GPHN: variants seen among roughly 807,000 people sequenced by gnomAD.
GPHN encodes gephyrin.
GPHN carries 17 observed loss-of-function variants against 95.5 expected under a neutral mutation model. That is an observed-to-expected ratio of 0.18 (90% CI 0.12 to 0.27). The LOEUF is 0.27. Among genes scored for constraint, GPHN ranks in the 10% least tolerant of loss-of-function variants. The probability of loss-of-function intolerance (pLI) is 1.00; values close to 1 mark genes in which losing one functional copy is unlikely to be tolerated. For synonymous variants in GPHN, 320 were observed against 322.5 expected, an observed-to-expected ratio of 0.99 and a Z score of 0.08; for missense variants, 660 against 978.1, an observed-to-expected ratio of 0.67 and a Z score of 4.34.
At chr14:67,693,877 C>T in the GPHN span, among the ~76,000 whole-genome samples, 1 of 152,124 alleles carries the variant, frequency 6.6e-6, no homozygotes, top group Non-Finnish European at 1.5e-5. Flanking sequence ...TCTCGAACTC[C>T]TGACCTCAGG....
At chr14:66,998,877 T>TAA (rs55936517) in intron 9 of GPHN, among the ~76,000 whole-genome samples, 81 of 143,638 alleles carry the variant, frequency 5.6e-4, no homozygotes, top group African/African-American at 2.0e-3. Context: ...GGTCCCTTTG[T>TAA]AAAAAAAAAA....
chr14:67,735,076 A>C, the GPHN span: 1 of 712,720 alleles, frequency 1.4e-6, no homozygotes. Context: ...AAATGACACC[A>C]AATATCGGGA....
At chr14:66,720,631 A>C (rs1242720843) in intron 2 of GPHN, among the ~76,000 whole-genome samples, 1 of 152,240 alleles carries the variant, frequency 6.6e-6, no homozygotes, top group Non-Finnish European at 1.5e-5. Flanking sequence ...TTTGCACATC[A>C]TACTCACTAA....
the GPHN span, chr14:67,374,422 A>C: frequency 8.1e-7 from 1 of 1,238,228 alleles, no homozygotes; most frequent in African/African-American, 1.5e-5. Flanking sequence ...ACAATAGTAC[A>C]GTGGCATCTG....
At chr14:66,825,380 T>C (rs544011718) in intron 4 of GPHN, among the ~76,000 whole-genome samples, 1 of 152,310 alleles carries the variant, frequency 6.6e-6, no homozygotes, top group African/African-American at 2.4e-5. Context: ...TACTACCTTA[T>C]TAACATTCCA....
At chr14:66,967,112 G>A (rs1282556825) in intron 9 of GPHN, among the ~76,000 whole-genome samples, 1 of 151,786 alleles carries the variant, frequency 6.6e-6, no homozygotes, top group Non-Finnish European at 1.5e-5. Context: ...CTAGGAATAA[G>A]ATTATATTTC....
intron 18 of GPHN, among the ~76,000 whole-genome samples, chr14:67,149,071 G>A (rs567305472): frequency 3.1e-4 from 47 of 152,034 alleles, no homozygotes; most frequent in African/African-American, 9.6e-4. Context: ...TGGGCTGGGC[G>A]TGTGGCTCAC....
At chr14:67,525,661 T>C in the GPHN span, among the ~76,000 whole-genome samples, 1 of 152,242 alleles carries the variant, frequency 6.6e-6, no homozygotes, top group African/African-American at 2.4e-5. Context: ...CCTCTATAAA[T>C]GGCTTCCAAT....
At chr14:67,062,773 T>C (rs573442699) in intron 11 of GPHN, among the ~76,000 whole-genome samples, 10 of 152,308 alleles carry the variant, frequency 6.6e-5, no homozygotes, top group Non-Finnish European at 1.5e-4. Context: ...TGTTTGGTTT[T>C]TTTCTTGTAA....
chr14:66,954,297 A>T (rs999909454), intron 8 of GPHN, among the ~76,000 whole-genome samples: 1 of 152,114 alleles, frequency 6.6e-6, no homozygotes, highest in Admixed American at 6.6e-5. Context: ...ATTTGCCTTT[A>T]ATTTCTTTCA....
chr14:67,612,322 A>G, the GPHN span, among the ~76,000 whole-genome samples: 1 of 152,206 alleles, frequency 6.6e-6, no homozygotes. Flanking sequence ...GGAGGTATGT[A>G]AATATGTGCT....
At chr14:67,441,476 C>T in the GPHN span, among the ~76,000 whole-genome samples, 1 of 152,142 alleles carries the variant, frequency 6.6e-6, no homozygotes, top group African/African-American at 2.4e-5. Flanking sequence ...GAAAAGGACC[C>T]TATGTCAGCT....
chr14:67,585,509 A>G, the GPHN span: 1 of 1,162,572 alleles, frequency 8.6e-7, no homozygotes, highest in East Asian at 2.6e-5. Context: ...TCAGAAAGTT[A>G]TTATAGTTCA....
intron 1 of GPHN, among the ~76,000 whole-genome samples, chr14:66,522,618 C>T (rs1042529917): frequency 2.6e-5 from 4 of 151,956 alleles, no homozygotes; most frequent in Non-Finnish European, 5.9e-5. Flanking sequence ...TGGTCTTTCC[C>T]CTGCAGATGA....
chr14:66,898,895 T>G (rs2064994999), intron 5 of GPHN, among the ~76,000 whole-genome samples: 1 of 152,094 alleles, frequency 6.6e-6, no homozygotes, highest in East Asian at 1.9e-4. Flanking sequence ...TTTGATTTCT[T>G]TTATTGCAGT....
chr14:67,695,734 A>T, the GPHN span: 9 of 1,609,540 alleles, frequency 5.6e-6, no homozygotes, highest in East Asian at 2.0e-4. Context: ...CCAGAGCGGG[A>T]TGCTCCAGCG....
intron 10 of GPHN, among the ~76,000 whole-genome samples, chr14:67,039,448 T>G (rs2074588730): frequency 6.6e-6 from 1 of 152,030 alleles, no homozygotes; most frequent in South Asian, 2.1e-4. Context: ...CAGCCTGATT[T>G]GTGTGTTCCT....
chr14:67,514,862 G>T, the GPHN span, among the ~76,000 whole-genome samples: 1 of 152,158 alleles, frequency 6.6e-6, no homozygotes, highest in Non-Finnish European at 1.5e-5. Context: ...CCAAGCCCCG[G>T]GCGCACCACC....
the GPHN span, chr14:67,559,554 A>T: frequency 1.6e-4 from 208 of 1,272,862 alleles, 2 homozygotes; most frequent in African/African-American, 2.7e-3. Context: ...ACCTCCAGTC[A>T]GTCACTCTCC....
Sources: allele counts gnomAD v4.1 joint callset (sites outside exome capture counted in the v4.1 genomes callset), GRCh38; gene constraint gnomAD v4.1.1; transcripts MANE v1.5; gene names NCBI Gene and HGNC (gene_info 2026-07-23, HGNC 2026-07-21).